C21orf91: variants seen among roughly 807,000 people sequenced by gnomAD.
C21orf91 encodes the protein chromosome 21 open reading frame 91.
In C21orf91, 26 loss-of-function variants were observed where a neutral mutation model predicts 32.9. That is an observed-to-expected ratio of 0.79 (90% confidence interval 0.58 to 1.10). The LOEUF is 1.10. Among genes scored for constraint, C21orf91 ranks in the 50% least tolerant of loss-of-function variants. C21orf91 has a pLI of 0.00. For missense variants in C21orf91, 310 were observed against 341.3 expected, an observed-to-expected ratio of 0.91 and a Z score of 0.72; for synonymous variants, 126 against 120.4, an observed-to-expected ratio of 1.05 and a Z score of -0.31.
In C21orf91 at chr21:17,797,063, G is replaced by A. The variant is rs1212681531; in HGVS notation, c.183C>T (p.Cys61=). 5 of 1,610,954 alleles carry A rather than the reference G, an allele frequency of 3.1e-6. No homozygotes were observed. The highest frequency in any genetic ancestry group is 3.3e-5 in the Admixed American group (2 of 59,890). The part of the protein sequence containing the change: ...HTKSLRGHKD[C]FEKYHLIANQ... ...TTGCAATTAAATGGTATTTTTCAAA[G>A]CAGTCTTTATGGCCCCTTAATGATT... The change falls in exon 3 of 5, where the codon TGC becomes TGT. Residue 61 remains cysteine (C), a synonymous_variant. Coordinates refer to ENST00000284881, the MANE Select transcript of C21orf91 (RefSeq NM_001100420.2).
intron 2 of C21orf91, among the ~76,000 whole-genome samples, chr21:17,805,304 C>G (rs777547592): frequency 6.6e-6 from 1 of 152,104 alleles, no homozygotes; most frequent in East Asian, 1.9e-4. Flanking sequence ...CTTTTAAAAC[C>G]GTAATGACTG....
chr21:17,799,870 A>G (rs2062546887), intron 2 of C21orf91, among the ~76,000 whole-genome samples: 1 of 152,146 alleles, frequency 6.6e-6, no homozygotes, highest in Non-Finnish European at 1.5e-5. Context: ...ATTTTAAAAC[A>G]CCAAAAACAA....
In C21orf91 at chr21:17,789,971, C is replaced by T. The variant is rs2062460479; in HGVS notation, c.*3444G>A. ...AACGGCATCAATTATCTTTGCCTTACATCTGAACAAAAAGTATTAACTTTT... is the reference window on the plus strand; with the variant it reads ...AACGGCATCAATTATCTTTGCCTTATATCTGAACAAAAAGTATTAACTTTT... On this transcript the variant is annotated 3_prime_UTR_variant, in exon 5 of 5. Coordinates refer to ENST00000284881, the MANE Select transcript of C21orf91 (RefSeq NM_001100420.2). The T allele has an allele frequency of 6.6e-6, 1 of 152,128 alleles. No homozygotes were observed. Among genetic ancestry groups the T allele is most frequent in the African/African-American group, 2.4e-5 (1 of 41,442 alleles). 9.4% of individuals were successfully genotyped at this position (152,128 alleles called of 1,614,324 possible). A position where few individuals can be genotyped will look rare whatever the true frequency, so the allele number is the denominator to read the frequency against.
chr21:17,795,154 A>ATT, intron 4 of C21orf91, 54 bp downstream of exon 4: 2 of 1,135,444 alleles, frequency 1.8e-6, no homozygotes, highest in South Asian at 2.5e-5. Context: ...ATCATAGATG[A>ATT]TTTTCTATGT....
chr21:17,799,488 C>T (rs2062544378), intron 2 of C21orf91, among the ~76,000 whole-genome samples: 1 of 152,130 alleles, frequency 6.6e-6, no homozygotes, highest in South Asian at 2.1e-4. Context: ...CTCTTCACTC[C>T]CCGCAATCCC....
chr21:17,813,025 T>A (rs1299190596), intron 2 of C21orf91, among the ~76,000 whole-genome samples: 1 of 152,164 alleles, frequency 6.6e-6, no homozygotes, highest in East Asian at 1.9e-4. Flanking sequence ...CAAAATAGAC[T>A]AAGATAAGTA....
intron 2 of C21orf91, chr21:17,810,624 CTT>C (rs2062626459): frequency 6.6e-6 from 1 of 152,236 alleles, no homozygotes; most frequent in East Asian, 1.9e-4. Flanking sequence ...TGTTCTCTCT[CTT>C]GAAAGAAAGG....
chr21:17,793,609 T>G, intron 4 of C21orf91, 28 bp from the exon 5 acceptor site: 1 of 1,504,244 alleles, frequency 6.6e-7, no homozygotes, highest in Non-Finnish European at 9.2e-7. Context: ...ACTTTCATTT[T>G]TAGTATGCAG....
At chr21:17,798,880 T>C (rs2062539806) in intron 2 of C21orf91, among the ~76,000 whole-genome samples, 1 of 152,228 alleles carries the variant, frequency 6.6e-6, no homozygotes, top group Non-Finnish European at 1.5e-5. Flanking sequence ...ATTCCAATGC[T>C]TAGTTTTCTG....
At position 17,800,305 on chromosome 21, in the gene C21orf91, TG is replaced by T. The variant is rs549623987; in HGVS notation, c.128-3188del. On this transcript the variant is annotated intron_variant, in intron 2 of 4. Coordinates refer to ENST00000284881, the MANE Select transcript of C21orf91 (RefSeq NM_001100420.2). ...TTTATAAACATATTTAAAAATATCC[TG>T]TGCAGCAGTAGCATAGGAAACAAAA... Among the ~76,000 whole-genome samples, 11 of 152,310 alleles carry T rather than the reference TG, an allele frequency of 7.2e-5. No individual in the cohort carries two copies. In the South Asian group the frequency reaches 2.3e-3, roughly 32 times the overall value.
At position 17,793,201 on chromosome 21, in the gene C21orf91, GA is replaced by G; in HGVS notation, c.*213del. 1.7e-5 allele frequency: 6 copies of G among 346,990 alleles called. No individual in the cohort carries two copies. Among genetic ancestry groups the G allele is most frequent in the East Asian group, 4.4e-5 (1 of 22,828 alleles). The allele number at this position is 346,990 out of a possible 1,614,324, so 21.5% of individuals were successfully genotyped here. On this transcript the variant is annotated 3_prime_UTR_variant, in exon 5 of 5. Coordinates refer to ENST00000284881, the MANE Select transcript of C21orf91 (RefSeq NM_001100420.2). ...GATAAAATTTGTTTAGTAATTCTGG[GA>G]AAAAAGAGTCCCCAAATGAGCCAAA...
chr21:17,796,964 T>C lies in C21orf91; in HGVS notation c.282A>G (p.Ile94Met). Residue 94 changes from isoleucine (I) to methionine (M), a missense_variant, in exon 3 of 5, where the codon ATA becomes ATG. Ile to Met is a conservative substitution (Grantham distance 10, BLOSUM62 1). Coordinates refer to ENST00000284881, the MANE Select transcript of C21orf91 (RefSeq NM_001100420.2). ...TTTGTGCATACTGCACAATCCAGTTTATCTTCTTACTCAAAATGGTTTTAA... is the reference window on the plus strand; with the variant it reads ...TTTGTGCATACTGCACAATCCAGTTCATCTTCTTACTCAAAATGGTTTTAA... ...EEVKTILSKK[I>M]NWIVQYAQNK... is the part of the protein sequence containing the mutation. 2 of 1,613,786 alleles carry C rather than the reference T, an allele frequency of 1.2e-6. No individual in the cohort carries two copies. The highest frequency in any genetic ancestry group is 1.7e-6 in the Non-Finnish European group (2 of 1,179,784).
chr21:17,801,776 C>T lies in C21orf91; in HGVS notation c.128-4658G>A, dbSNP rs536578399. 6.6e-5 allele frequency among the ~76,000 whole-genome samples: 10 copies of T among 151,206 alleles called. No individual in the cohort carries two copies. In the South Asian group the frequency reaches 1.5e-3, roughly 22 times the overall value. On this transcript the variant is annotated intron_variant, in intron 2 of 4. Transcript: ENST00000284881. ...GGTTGATAGGTGCAGCAAACCACCA[C>T]GGCATGTGTATACCTATGTAACAAA...
intron 2 of C21orf91, among the ~76,000 whole-genome samples, chr21:17,807,959 C>T (rs1602143): frequency 7.2e-5 from 11 of 152,058 alleles, no homozygotes; most frequent in Non-Finnish European, 1.3e-4. Flanking sequence ...GCAGCCTGAC[C>T]GTGTGGTAGA....
intron 2 of C21orf91, among the ~76,000 whole-genome samples, chr21:17,815,737 T>TGCA (rs1209865025): frequency 6.6e-6 from 1 of 152,178 alleles, no homozygotes; most frequent in Non-Finnish European, 1.5e-5. Flanking sequence ...CTCAGCTCAC[T>TGCA]GCAACCTCCA....
In C21orf91 at chr21:17,793,198, T is replaced by C. The variant is rs971292229; in HGVS notation, c.*217A>G. 2.0e-5 allele frequency: 7 copies of C among 343,224 alleles called. No individual in the cohort carries two copies. Among genetic ancestry groups the C allele is most frequent in the Non-Finnish European group, 3.7e-5 (7 of 189,042 alleles). The allele number at this position is 343,224 out of a possible 1,614,324, so 21.3% of individuals were successfully genotyped here. A position where few individuals can be genotyped will look rare whatever the true frequency, so the allele number is the denominator to read the frequency against. ...TGTGATAAAATTTGTTTAGTAATTC[T>C]GGGAAAAAAGAGTCCCCAAATGAGC... On this transcript the variant is annotated 3_prime_UTR_variant, in exon 5 of 5. Coordinates refer to ENST00000284881, the MANE Select transcript of C21orf91 (RefSeq NM_001100420.2).
At position 17,810,171 on chromosome 21, in the gene C21orf91, C is replaced by T. The variant is rs147686795; in HGVS notation, c.127+8021G>A. 3.3e-5 allele frequency among the ~76,000 whole-genome samples: 5 copies of T among 152,314 alleles called. No individual in the cohort carries two copies. The East Asian group carries it at 9.6e-4, about 29-fold the overall frequency. ...GCTACTTTGATTTCAATCACTCATACATTTTTCATGTCTTGCCTTATTTAA... is the reference window on the plus strand; with the variant it reads ...GCTACTTTGATTTCAATCACTCATATATTTTTCATGTCTTGCCTTATTTAA... On this transcript the variant is annotated intron_variant, in intron 2 of 4. Transcript: ENST00000284881.
rs1160681622 is a variant in C21orf91 at position 17,790,301 on chromosome 21, G to C, written c.*3114C>G. ...CATTAAAACACAAATAGATCTAAAA[G>C]CTTACTTTAAAAAAACTACAAAAAT... On this transcript the variant is annotated 3_prime_UTR_variant, in exon 5 of 5. Coordinates refer to ENST00000284881, the MANE Select transcript of C21orf91 (RefSeq NM_001100420.2). 9 of 151,756 alleles carry C rather than the reference G, an allele frequency of 5.9e-5. No individual in the cohort carries two copies. Among genetic ancestry groups the C allele is most frequent in the Non-Finnish European group, 1.2e-4 (8 of 67,858 alleles). The allele number at this position is 151,756 out of a possible 1,614,324, so 9.4% of individuals were successfully genotyped here.
intron 2 of C21orf91, among the ~76,000 whole-genome samples, chr21:17,805,093 A>G (rs1026265532): frequency 1.3e-5 from 2 of 152,248 alleles, no homozygotes; most frequent in Non-Finnish European, 2.9e-5. Context: ...TAACTGAGCT[A>G]TGCAATAAGG....
Sources: allele counts gnomAD v4.1 joint callset (sites outside exome capture counted in the v4.1 genomes callset), GRCh38; gene constraint gnomAD v4.1.1; transcripts MANE v1.5; gene names NCBI Gene and HGNC (gene_info 2026-07-23, HGNC 2026-07-21).